The following PRELID2 variants were observed in gnomAD, a reference collection of about 807,000 sequenced individuals.
PRELID2 encodes PRELI domain-containing protein 2.
In PRELID2, 25 loss-of-function variants were observed where a neutral mutation model predicts 28.4. That is an observed-to-expected ratio of 0.88 (90% confidence interval 0.64 to 1.23). The LOEUF (loss-of-function observed/expected upper bound fraction) is 1.23, where lower values mean the gene tolerates loss of function less well. Ranked by LOEUF, PRELID2 falls within the 50% of genes most tolerant of loss-of-function variation. The pLI, the probability that PRELID2 is intolerant of heterozygous loss-of-function variation, is 0.00. For missense variants in PRELID2, 201 were observed against 214.4 expected, an observed-to-expected ratio of 0.94 and a Z score of 0.39; for synonymous variants, 76 against 71.6, an observed-to-expected ratio of 1.06 and a Z score of -0.31.
At chr5:145,360,860 G>A in the PRELID2 span, among the ~76,000 whole-genome samples, 1 of 151,908 alleles carries the variant, frequency 6.6e-6, no homozygotes, top group Non-Finnish European at 1.5e-5. Flanking sequence ...TTCAAAAGCT[G>A]GCATATAAGT....
At chr5:145,247,802 G>A in the PRELID2 span, among the ~76,000 whole-genome samples, 1 of 152,124 alleles carries the variant, frequency 6.6e-6, no homozygotes, top group Admixed American at 6.6e-5. Flanking sequence ...CAAGTGTTCT[G>A]ATGTACCTCC....
chr5:145,541,169 G>C (rs7705944), intron 1 of PRELID2, among the ~76,000 whole-genome samples: 1 of 151,850 alleles, frequency 6.6e-6, no homozygotes, highest in African/African-American at 2.4e-5. Flanking sequence ...ACAAAAGAAT[G>C]ATGTAGATTT....
At chr5:145,252,363 T>C in the PRELID2 span, among the ~76,000 whole-genome samples, 3 of 152,164 alleles carry the variant, frequency 2.0e-5, no homozygotes, top group African/African-American at 4.8e-5. Flanking sequence ...ATCAGATTTA[T>C]AGGGCTTGAG....
At chr5:145,488,250 A>C (rs747564120) in intron 1 of PRELID2, among the ~76,000 whole-genome samples, 1 of 152,084 alleles carries the variant, frequency 6.6e-6, no homozygotes, top group Non-Finnish European at 1.5e-5. Context: ...GCTAGTGACT[A>C]TTTCTCCACC....
rs76853232 is a variant in PRELID2 at position 145,624,201 on chromosome 5, T to C, written n.70+140730A>G. ...ATACCACCTTCCCAGAACCTTGATA[T>C]GTTCACCAACTCAGAAAGTCTCCAA... On this transcript the variant is annotated intron_variant and non_coding_transcript_variant, in intron 1 of 2. Transcript: ENST00000510259. 8.6e-4 allele frequency among the ~76,000 whole-genome samples: 131 copies of C among 152,364 alleles called. No individual in the cohort carries two copies. The East Asian group carries it at 8.9e-3, about 10-fold the overall frequency.
intron 4 of PRELID2, among the ~76,000 whole-genome samples, chr5:145,806,814 A>C (rs941138302): frequency 3.3e-5 from 5 of 151,980 alleles, no homozygotes; most frequent in African/African-American, 4.8e-5. Context: ...CCTGCACTCT[A>C]TCTCTCTCCC....
chr5:145,666,881 ACAC>A (rs1169733664), intron 1 of PRELID2, among the ~76,000 whole-genome samples: 3 of 152,076 alleles, frequency 2.0e-5, no homozygotes, highest in Non-Finnish European at 2.9e-5. Context: ...TATTTATAGC[ACAC>A]CAATTCAGAA....
chr5:145,361,567 C>G, the PRELID2 span, among the ~76,000 whole-genome samples: 10 of 152,262 alleles, frequency 6.6e-5, no homozygotes, highest in Admixed American at 2.0e-4. Context: ...TAAAGGGCCA[C>G]AAAAGAGTTG....
intron 5 of PRELID2, among the ~76,000 whole-genome samples, chr5:145,765,819 C>T (rs909685761): frequency 6.6e-6 from 1 of 152,142 alleles, no homozygotes. Context: ...ATAAAACCTC[C>T]AAATAAGTAC....
the PRELID2 span, among the ~76,000 whole-genome samples, chr5:145,278,339 G>A: frequency 1.3e-5 from 2 of 152,168 alleles, no homozygotes; most frequent in Admixed American, 6.6e-5. Context: ...GCACAGCTGG[G>A]TCTCCTGTAA....
the PRELID2 span, among the ~76,000 whole-genome samples, chr5:145,398,473 T>A: frequency 1.3e-5 from 2 of 152,120 alleles, no homozygotes; most frequent in Admixed American, 1.3e-4. Context: ...ATGCCTGCCT[T>A]CTATGATCAC....
intron 4 of PRELID2, among the ~76,000 whole-genome samples, chr5:145,817,569 C>T (rs927254835): frequency 6.6e-6 from 1 of 151,000 alleles, no homozygotes; most frequent in Non-Finnish European, 1.5e-5. Flanking sequence ...ACTATACAGG[C>T]TCTATGAGTA....
chr5:145,420,241 T>G, the PRELID2 span, among the ~76,000 whole-genome samples: 92 of 152,310 alleles, frequency 6.0e-4, 1 homozygote, highest in African/African-American at 2.2e-3. Context: ...ATATGAACTT[T>G]AAAGTAGTTT....
intron 1 of PRELID2, among the ~76,000 whole-genome samples, chr5:145,539,015 G>C (rs919590503): frequency 6.6e-6 from 1 of 151,876 alleles, no homozygotes; most frequent in African/African-American, 2.4e-5. Context: ...ATAGCAACCT[G>C]ACTTGTAAGA....
At chr5:145,815,040 A>G (rs928316940) in intron 4 of PRELID2, among the ~76,000 whole-genome samples, 2 of 152,158 alleles carry the variant, frequency 1.3e-5, no homozygotes, top group South Asian at 2.1e-4. Flanking sequence ...TTTAACCTAC[A>G]ATGGGATGGT....
chr5:145,750,988 A>G (rs1757109639), intron 1 of PRELID2, among the ~76,000 whole-genome samples: 1 of 152,198 alleles, frequency 6.6e-6, no homozygotes, highest in African/African-American at 2.4e-5. Flanking sequence ...TGCGGTATAG[A>G]GGTATATCTG....
chr5:145,469,858 T>C (rs1752035965), downstream of PRELID2, among the ~76,000 whole-genome samples: 1 of 152,102 alleles, frequency 6.6e-6, no homozygotes, highest in Admixed American at 6.6e-5. Flanking sequence ...ATTGAGAAAT[T>C]TCACAATGTC....
At chr5:145,695,581 C>CA (rs61322600) in intron 1 of PRELID2, among the ~76,000 whole-genome samples, 4,146 of 152,304 alleles carry the variant, frequency 0.027, 174 homozygotes, top group African/African-American at 0.09. Flanking sequence ...GGTCCTGGCT[C>CA]AGAGTCTCTT....
At position 145,817,925 on chromosome 5, in the gene PRELID2, CAG is replaced by C; in HGVS notation, c.335_336del (p.Ser112CysfsTer49). 6.4e-7 allele frequency: 1 copy of C among 1,564,982 alleles called. No homozygotes were observed. Among genetic ancestry groups the C allele is most frequent in the Non-Finnish European group, 8.6e-7 (1 of 1,158,288 alleles). On this transcript the variant is annotated frameshift_variant, in exon 4 of 7. Coordinates refer to ENST00000683046, the MANE Select transcript of PRELID2 (RefSeq NM_205846.3). LOFTEE classifies it high-confidence loss of function. Reference protein sequence around the residue: ...WTQYASMKEESVFRESMENPN... With the variant: ...WTQYASMKEEXVFRESMENPN... ...GGGTTTTCCATACTTTCCCGGAAGA[CAG>C]ACTCTTCCTTCATGGATGCATACTG...
Sources: allele counts gnomAD v4.1 joint callset (sites outside exome capture counted in the v4.1 genomes callset), GRCh38; gene constraint gnomAD v4.1.1; transcripts MANE v1.5; gene names NCBI Gene and HGNC (gene_info 2026-07-23, HGNC 2026-07-21).